Variants in ZNF385D observed in about 807,000 individuals in gnomAD.
ZNF385D encodes the protein zinc finger protein 659.
A neutral mutation model predicts 35.8 loss-of-function variants in ZNF385D; 15 were observed. The observed-to-expected ratio is 0.42, with a 90% CI of 0.28 to 0.64. ZNF385D has a LOEUF of 0.64. ZNF385D is among the 30% of genes least tolerant of loss of function. The pLI is 0.23. For missense variants in ZNF385D, 474 were observed against 494.6 expected (o/e 0.96, Z 0.39); for synonymous variants, 212 against 186.8 (o/e 1.13, Z -1.10).
intron 3 of ZNF385D, among the ~76,000 whole-genome samples, chr3:21,884,299 A>T (rs556905843): frequency 6.6e-6 from 1 of 152,074 alleles, no homozygotes; most frequent in South Asian, 2.1e-4. Flanking sequence ...TGCAAACAGT[A>T]GACAACTCTG....
intron 2 of ZNF385D, among the ~76,000 whole-genome samples, chr3:22,356,689 A>G (rs1696165324): frequency 6.6e-6 from 1 of 151,994 alleles, no homozygotes; most frequent in African/African-American, 2.4e-5. Context: ...AAGAGATGGC[A>G]ATAGAGGAAT....
intron 2 of ZNF385D, among the ~76,000 whole-genome samples, chr3:22,371,018 T>G (rs567519696): frequency 3.9e-5 from 6 of 152,158 alleles, no homozygotes; most frequent in Non-Finnish European, 8.8e-5. Context: ...TTTAGCTCCA[T>G]GAAGAGAGTG....
At chr3:21,890,411 G>C (rs1240408450) in intron 3 of ZNF385D, among the ~76,000 whole-genome samples, 2 of 152,148 alleles carry the variant, frequency 1.3e-5, no homozygotes, top group Admixed American at 6.5e-5. Context: ...CTGAGGTCAG[G>C]AGTTTGAGAC....
At chr3:22,364,322 C>A (rs1482618892) in intron 2 of ZNF385D, among the ~76,000 whole-genome samples, 3 of 151,830 alleles carry the variant, frequency 2.0e-5, no homozygotes, top group Non-Finnish European at 2.9e-5. Context: ...TAAAAGATAA[C>A]CACAGACTGG....
At chr3:21,733,764 G>A (rs960118861) in intron 1 of ZNF385D, among the ~76,000 whole-genome samples, 1 of 152,082 alleles carries the variant, frequency 6.6e-6, no homozygotes, top group Non-Finnish European at 1.5e-5. Flanking sequence ...TTATTTCAGT[G>A]TAAGAAGTGA....
chr3:21,598,828 T>C (rs1012732695), intron 2 of ZNF385D, among the ~76,000 whole-genome samples: 2 of 152,134 alleles, frequency 1.3e-5, no homozygotes, highest in Non-Finnish European at 2.9e-5. Flanking sequence ...ATTACCAAAA[T>C]TAATCTTATT....
intron 2 of ZNF385D, among the ~76,000 whole-genome samples, chr3:22,364,070 C>T (rs1277763401): frequency 6.6e-6 from 1 of 152,020 alleles, no homozygotes; most frequent in African/African-American, 2.4e-5. Flanking sequence ...TATTCACATT[C>T]TAGTCTGTAA....
intron 3 of ZNF385D, among the ~76,000 whole-genome samples, chr3:21,871,540 T>C (rs1181050865): frequency 6.6e-6 from 1 of 152,130 alleles, no homozygotes; most frequent in African/African-American, 2.4e-5. Context: ...ACTCAATAAA[T>C]AACTGTTGAA....
At chr3:21,820,224 C>T (rs1049859475) in intron 3 of ZNF385D, among the ~76,000 whole-genome samples, 4 of 151,622 alleles carry the variant, frequency 2.6e-5, no homozygotes, top group Admixed American at 1.3e-4. Flanking sequence ...TCAATAAAAT[C>T]GTCTCAATAC....
At chr3:21,921,858 C>G (rs1006417446) in intron 3 of ZNF385D, among the ~76,000 whole-genome samples, 34 of 149,558 alleles carry the variant, frequency 2.3e-4, no homozygotes, top group African/African-American at 6.9e-4. Context: ...AAAAAAAGAC[C>G]CTACCAACCA....
chr3:21,940,924 C>T (rs1386044030), intron 3 of ZNF385D, among the ~76,000 whole-genome samples: 2 of 152,162 alleles, frequency 1.3e-5, no homozygotes, highest in East Asian at 3.8e-4. Context: ...CACAGAGGAT[C>T]CATCCAAGTA....
At chr3:21,720,879 T>G (rs367706276) in intron 1 of ZNF385D, among the ~76,000 whole-genome samples, 3 of 152,146 alleles carry the variant, frequency 2.0e-5, no homozygotes, top group African/African-American at 7.2e-5. Context: ...TTCCATATGG[T>G]GACAAAAAGT....
chr3:21,645,658 T>G (rs1206959693), intron 2 of ZNF385D, among the ~76,000 whole-genome samples: 2 of 152,154 alleles, frequency 1.3e-5, no homozygotes, highest in Non-Finnish European at 2.9e-5. Context: ...CCCTGCAGTC[T>G]CCACCTACTT....
At chr3:21,437,305 G>A in intron 4 of ZNF385D, 102 bp from the exon 5 acceptor site, 1 of 1,119,746 alleles carries the variant, frequency 8.9e-7, no homozygotes, top group Non-Finnish European at 1.3e-6. Context: ...ATAATGATAA[G>A]AGCAGCTAGC....
In ZNF385D at chr3:21,572,965, A is replaced by AT. The variant is rs1382808372; in HGVS notation, c.166-8282dup. On this transcript the variant is annotated intron_variant, in intron 2 of 7. Transcript: ENST00000281523. ...AAGTAGACACTTTTTTTTTTACTCCATTTTTTATATGAGAATTTTTAAGCA... is the reference window on the plus strand; with the variant it reads ...AAGTAGACACTTTTTTTTTTACTCCATTTTTTTATATGAGAATTTTTAAGCA... Among the ~76,000 whole-genome samples, 8 of 151,782 alleles carry AT rather than the reference A, an allele frequency of 5.3e-5. No individual in the cohort carries two copies. The South Asian group carries it at 1.7e-3, about 32-fold the overall frequency.
At chr3:21,925,674 A>C (rs961220464) in intron 3 of ZNF385D, among the ~76,000 whole-genome samples, 3 of 152,146 alleles carry the variant, frequency 2.0e-5, no homozygotes, top group African/African-American at 7.2e-5. Context: ...GCCTGTAAAG[A>C]TGTTGAGTGG....
chr3:22,313,927 C>A (rs147713411), intron 2 of ZNF385D, among the ~76,000 whole-genome samples: 1 of 152,182 alleles, frequency 6.6e-6, no homozygotes, highest in Non-Finnish European at 1.5e-5. Flanking sequence ...TTCATTTTGG[C>A]TCTCTTCTCA....
chr3:21,932,247 G>A (rs1170634248), intron 3 of ZNF385D, among the ~76,000 whole-genome samples: 1 of 146,534 alleles, frequency 6.8e-6, no homozygotes, highest in South Asian at 2.2e-4. Flanking sequence ...TGTGATATAG[G>A]AAACAGTAAT....
At chr3:22,344,652 G>A (rs188370555) in intron 2 of ZNF385D, among the ~76,000 whole-genome samples, 15 of 152,090 alleles carry the variant, frequency 9.9e-5, no homozygotes, top group Admixed American at 5.2e-4. Context: ...AAACTCCTGG[G>A]CTCTAGTGTT....
Sources: gnomAD v4.1 joint callset for allele counts (sites outside exome capture counted in the v4.1 genomes callset) on GRCh38, gnomAD v4.1.1 for gene constraint, MANE v1.5 for transcripts, NCBI Gene and HGNC (gene_info 2026-07-23, HGNC 2026-07-21) for gene names.